Variants in AHCYL2 observed in about 807,000 individuals in gnomAD.
AHCYL2 encodes adenosylhomocysteinase like 2.
A neutral mutation model predicts 81.4 loss-of-function variants in AHCYL2; 28 were observed. That is an observed-to-expected ratio of 0.34 (90% CI 0.25 to 0.47). The LOEUF is 0.47. AHCYL2 is among the 20% of genes least tolerant of loss of function. AHCYL2 has a pLI of 1.00. For missense variants in AHCYL2, 551 were observed against 785.1 expected (o/e 0.70, Z 3.56); for synonymous variants, 272 against 290.2 (o/e 0.94, Z 0.64).
intron 1 of AHCYL2, among the ~76,000 whole-genome samples, chr7:129,245,059 C>G (rs1368829437): frequency 1.5e-5 from 2 of 135,924 alleles, no homozygotes; most frequent in Non-Finnish European, 3.1e-5. Context: ...GAGTCTCACT[C>G]TGTTGCCCAG....
At chr7:129,329,622 A>C (rs144212931) in intron 1 of AHCYL2, among the ~76,000 whole-genome samples, 4 of 152,380 alleles carry the variant, frequency 2.6e-5, no homozygotes, top group Admixed American at 6.5e-5. Context: ...GGAATCTGTG[A>C]ATCAGGTTAA....
At chr7:129,347,426 T>C (rs1793401430) in intron 1 of AHCYL2, among the ~76,000 whole-genome samples, 1 of 152,214 alleles carries the variant, frequency 6.6e-6, no homozygotes, top group Non-Finnish European at 1.5e-5. Context: ...TCAATTTTGC[T>C]GTGAACCTAA....
At chr7:129,414,414 T>C (rs1313104641) in intron 12 of AHCYL2, among the ~76,000 whole-genome samples, 1 of 105,730 alleles carries the variant, frequency 9.5e-6, no homozygotes, top group Non-Finnish European at 2.0e-5. Flanking sequence ...AATAGAAATG[T>C]TGTTTCTTTT....
At chr7:129,382,717 C>T (rs1795019508) in intron 2 of AHCYL2, among the ~76,000 whole-genome samples, 1 of 151,960 alleles carries the variant, frequency 6.6e-6, no homozygotes, top group Non-Finnish European at 1.5e-5. Context: ...ACCAGCCTGA[C>T]CAACATGGAG....
intron 1 of AHCYL2, among the ~76,000 whole-genome samples, chr7:129,369,073 A>G (rs771410016): frequency 1.3e-5 from 2 of 151,848 alleles, no homozygotes; most frequent in Admixed American, 6.6e-5. Flanking sequence ...ATATTTCTCT[A>G]TGGCAGGAAC....
chr7:129,379,523 G>A (rs754345225), intron 1 of AHCYL2, 115 bp from the exon 2 acceptor site: 1 of 713,116 alleles, frequency 1.4e-6, no homozygotes, highest in Non-Finnish European at 2.3e-6. Flanking sequence ...CCAAACATAG[G>A]TTGATACAAT....
intron 1 of AHCYL2, among the ~76,000 whole-genome samples, chr7:129,292,760 C>G (rs1563183909): frequency 6.6e-6 from 1 of 151,190 alleles, no homozygotes; most frequent in African/African-American, 2.4e-5. Flanking sequence ...GAGTGAGACT[C>G]TGTCTTAAAA....
chr7:129,426,390 C>G lies in AHCYL2; in HGVS notation c.1709-53C>G. On this transcript the variant is annotated intron_variant, in intron 15 of 16. Coordinates refer to ENST00000325006, the MANE Select transcript of AHCYL2 (RefSeq NM_015328.4). This position sits in a 1 kb window ranked among gnomAD's most constrained non-coding sequence, Gnocchi z 4.3. ...TAAGGCCTAGCTTGGGGACAATAGC[C>G]ATCAGATAAAAGGCATGAATGCTTA... The G allele has an allele frequency of 6.2e-7, 1 of 1,613,706 alleles. No homozygotes were observed. Among genetic ancestry groups the G allele is most frequent in the Non-Finnish European group, 8.5e-7 (1 of 1,179,732 alleles).
At chr7:129,296,125 G>A (rs1338129485) in intron 1 of AHCYL2, among the ~76,000 whole-genome samples, 1 of 152,146 alleles carries the variant, frequency 6.6e-6, no homozygotes, top group Non-Finnish European at 1.5e-5. Flanking sequence ...GTGATTAGAT[G>A]AGTCTCATTT....
At chr7:129,225,678 C>G (rs986828104) in intron 1 of AHCYL2, among the ~76,000 whole-genome samples, 4 of 152,268 alleles carry the variant, frequency 2.6e-5, no homozygotes, top group African/African-American at 9.6e-5. Context: ...GTAGCGCTCT[C>G]CCCTACTACT....
intron 1 of AHCYL2, among the ~76,000 whole-genome samples, chr7:129,257,607 C>G (rs1248604470): frequency 6.6e-6 from 1 of 152,108 alleles, no homozygotes; most frequent in East Asian, 1.9e-4. Context: ...ATTATGTATA[C>G]CTTGTAACCC....
chr7:129,389,016 A>ATT, intron 2 of AHCYL2, 40 bp from the exon 3 acceptor site: 3 of 1,398,976 alleles, frequency 2.1e-6, no homozygotes, highest in Admixed American at 2.1e-5. Context: ...TAGAGGAAGC[A>ATT]TTTTTTTTTT....
At chr7:129,269,701 G>A (rs1214603650) in intron 1 of AHCYL2, among the ~76,000 whole-genome samples, 1 of 152,132 alleles carries the variant, frequency 6.6e-6, no homozygotes, top group Non-Finnish European at 1.5e-5. Flanking sequence ...CTCTCAAAGT[G>A]TAGCCACCAT....
chr7:129,264,783 G>C (rs768947057), intron 1 of AHCYL2, among the ~76,000 whole-genome samples: 6 of 152,210 alleles, frequency 3.9e-5, no homozygotes, highest in Non-Finnish European at 8.8e-5. Context: ...CAGTGTGACA[G>C]AGACTCCTAG....
At chr7:129,325,800 G>T (rs1195226864) in intron 1 of AHCYL2, among the ~76,000 whole-genome samples, 1 of 151,718 alleles carries the variant, frequency 6.6e-6, no homozygotes, top group Non-Finnish European at 1.5e-5. Flanking sequence ...CCACCTCCTG[G>T]GTTCAAGCGA....
chr7:129,329,708 T>C (rs1798350654), intron 1 of AHCYL2, among the ~76,000 whole-genome samples: 1 of 152,226 alleles, frequency 6.6e-6, no homozygotes, highest in Non-Finnish European at 1.5e-5. Context: ...AGTTTCTTCA[T>C]TTGTAAAATG....
chr7:129,421,872 A>G (rs781602397), intron 12 of AHCYL2, among the ~76,000 whole-genome samples: 155 of 152,284 alleles, frequency 1.0e-3, no homozygotes, highest in Admixed American at 3.3e-3. Flanking sequence ...TCTTATCTAT[A>G]TTCATGCTCT....
intron 1 of AHCYL2, among the ~76,000 whole-genome samples, chr7:129,358,491 CA>C (rs916628915): frequency 6.6e-6 from 1 of 151,994 alleles, no homozygotes; most frequent in Admixed American, 6.6e-5. Flanking sequence ...ATGTCAGTCA[CA>C]AAAGGACAAA....
intron 1 of AHCYL2, among the ~76,000 whole-genome samples, chr7:129,315,044 A>G (rs1423624866): frequency 6.6e-6 from 1 of 152,092 alleles, no homozygotes; most frequent in Non-Finnish European, 1.5e-5. Context: ...TACAGCACCT[A>G]CCACATAGTT....
Sources: gnomAD v4.1 joint callset for allele counts (sites outside exome capture counted in the v4.1 genomes callset) on GRCh38, gnomAD v4.1.1 for gene constraint, Gnocchi (gnomAD v3.1) non-coding constraint, MANE v1.5 for transcripts, NCBI Gene and HGNC (gene_info 2026-07-23, HGNC 2026-07-21) for gene names.